CDH12: variants seen among roughly 807,000 people sequenced by gnomAD.
CDH12 encodes the protein cadherin-12.
Under a neutral mutation model 74.1 loss-of-function variants are expected in CDH12, and 41 were observed. The observed-to-expected ratio is 0.55, with a 90% CI of 0.43 to 0.72. CDH12 has a LOEUF of 0.72. Ranked by LOEUF, CDH12 falls within the 30% of genes least tolerant of loss-of-function variation. The pLI is 0.00. For missense variants in CDH12, 945 were observed against 977.2 expected (o/e 0.97, Z 0.44); for synonymous variants, 399 against 355.0 (o/e 1.12, Z -1.39).
intron 3 of CDH12, among the ~76,000 whole-genome samples, chr5:22,243,961 T>A (rs1752831178): frequency 6.6e-6 from 1 of 152,220 alleles, no homozygotes; most frequent in South Asian, 2.1e-4. Context: ...ATTTTAATTA[T>A]TTTAAAAGGG....
chr5:22,128,438 C>A (rs979865962), intron 4 of CDH12, among the ~76,000 whole-genome samples: 2 of 151,640 alleles, frequency 1.3e-5, no homozygotes. Context: ...TTGTTACCTG[C>A]TCATAGGATA....
intron 3 of CDH12, among the ~76,000 whole-genome samples, chr5:22,236,386 C>T (rs1752559399): frequency 6.6e-6 from 1 of 152,146 alleles, no homozygotes; most frequent in African/African-American, 2.4e-5. Flanking sequence ...TTATCTTTTT[C>T]TATTTTTCAA....
chr5:22,535,062 C>T (rs1737771729), intron 1 of CDH12, among the ~76,000 whole-genome samples: 1 of 149,352 alleles, frequency 6.7e-6, no homozygotes, highest in South Asian at 2.1e-4. Context: ...AGCTTCGCCT[C>T]CCGGGTTCAC....
At chr5:22,532,736 A>T (rs745848736) in intron 1 of CDH12, among the ~76,000 whole-genome samples, 3 of 151,966 alleles carry the variant, frequency 2.0e-5, no homozygotes, top group Non-Finnish European at 2.9e-5. Flanking sequence ...ACCTGAAACT[A>T]AACCCCCAAA....
chr5:22,220,876 C>T lies in CDH12; in HGVS notation c.-332-8233G>A, dbSNP rs1049831605. ...GTGACACGAGCTATATACTCATTCC[C>T]ACTTCATCCTTTCTATCAAAATGGG... On this transcript the variant is annotated intron_variant, in intron 3 of 14. Transcript: ENST00000382254. Among the ~76,000 whole-genome samples the T allele has an allele frequency of 2.0e-5, 3 of 151,622 alleles. No individual in the cohort carries two copies. In the Admixed American group the frequency reaches 2.0e-4, roughly 10 times the overall value.
intron 6 of CDH12, among the ~76,000 whole-genome samples, chr5:21,921,143 T>A (rs545813163): frequency 2.2e-4 from 34 of 152,268 alleles, no homozygotes; most frequent in African/African-American, 8.2e-4. Context: ...TCTTAGGAAA[T>A]GTGAGGATAA....
At chr5:22,572,999 T>C (rs994524645) in intron 1 of CDH12, among the ~76,000 whole-genome samples, 5 of 152,150 alleles carry the variant, frequency 3.3e-5, no homozygotes, top group African/African-American at 1.2e-4. Flanking sequence ...AAAAATTGAG[T>C]AATGAAAATA....
intron 3 of CDH12, among the ~76,000 whole-genome samples, chr5:22,221,108 G>A (rs1476815314): frequency 6.6e-6 from 1 of 151,860 alleles, no homozygotes; most frequent in African/African-American, 2.4e-5. Context: ...TGTATTTAGA[G>A]GGTCTTTTTA....
At chr5:21,995,199 G>C (rs1271324442) in intron 5 of CDH12, among the ~76,000 whole-genome samples, 1 of 151,696 alleles carries the variant, frequency 6.6e-6, no homozygotes, top group Non-Finnish European at 1.5e-5. Context: ...TGAAGTCAGC[G>C]AGACCAAGAA....
intron 3 of CDH12, among the ~76,000 whole-genome samples, chr5:22,317,556 T>C (rs921975022): frequency 9.9e-5 from 15 of 152,166 alleles, no homozygotes; most frequent in Admixed American, 3.9e-4. Context: ...CTAGTAGTTT[T>C]TGTTAATTTG....
At chr5:22,579,648 A>C (rs1465155204) in intron 1 of CDH12, among the ~76,000 whole-genome samples, 1 of 152,134 alleles carries the variant, frequency 6.6e-6, no homozygotes, top group Admixed American at 6.6e-5. Flanking sequence ...ATTGTTTTCA[A>C]ATCAACCTTA....
chr5:22,242,470 C>T (rs1752786073), intron 3 of CDH12, among the ~76,000 whole-genome samples: 1 of 152,058 alleles, frequency 6.6e-6, no homozygotes, highest in African/African-American at 2.4e-5. Context: ...TTAACATAGC[C>T]TTGCCAAAAG....
intron 5 of CDH12, among the ~76,000 whole-genome samples, chr5:22,025,917 T>G (rs1738318408): frequency 6.6e-6 from 1 of 152,150 alleles, no homozygotes; most frequent in Non-Finnish European, 1.5e-5. Flanking sequence ...CAGTCCTATC[T>G]TCAGGCTCCA....
At chr5:22,400,834 A>G (rs1327631211) in intron 3 of CDH12, among the ~76,000 whole-genome samples, 2 of 151,898 alleles carry the variant, frequency 1.3e-5, no homozygotes, top group East Asian at 3.9e-4. Context: ...GTCCTTTCTT[A>G]TTTGATCTGC....
intron 1 of CDH12, among the ~76,000 whole-genome samples, chr5:22,506,791 TATCA>T (rs771743811): frequency 1.3e-5 from 2 of 152,162 alleles, no homozygotes; most frequent in Non-Finnish European, 2.9e-5. Context: ...TCTCTATATC[TATCA>T]ATCTGTATCT....
intron 1 of CDH12, among the ~76,000 whole-genome samples, chr5:22,534,127 T>C (rs1275229445): frequency 6.6e-6 from 1 of 152,180 alleles, no homozygotes; most frequent in Non-Finnish European, 1.5e-5. Flanking sequence ...CTTCTCCCCT[T>C]GCTTTAATCA....
At chr5:22,072,531 TG>T (rs1226624197) in intron 5 of CDH12, among the ~76,000 whole-genome samples, 2 of 44,696 alleles carry the variant, frequency 4.5e-5, no homozygotes, top group African/African-American at 5.3e-4. Flanking sequence ...ATAGCACTTT[TG>T]TGTGTGTGTG....
At chr5:22,095,154 G>A (rs927351673) in intron 4 of CDH12, among the ~76,000 whole-genome samples, 26 of 152,074 alleles carry the variant, frequency 1.7e-4, no homozygotes, top group Admixed American at 1.4e-3. Context: ...ATCCACCTAC[G>A]ACCTCAGGTC....
intron 3 of CDH12, among the ~76,000 whole-genome samples, chr5:22,243,033 TA>T (rs1196407785): frequency 1.3e-4 from 20 of 152,186 alleles, no homozygotes; most frequent in Non-Finnish European, 2.6e-4. Context: ...TTGTCTTTGT[TA>T]AACTTGTATT....
Sources: allele counts gnomAD v4.1 joint callset (sites outside exome capture counted in the v4.1 genomes callset), GRCh38; gene constraint gnomAD v4.1.1; transcripts MANE v1.5; gene names NCBI Gene and HGNC (gene_info 2026-07-23, HGNC 2026-07-21).